Variants in APBB1 observed in about 807,000 individuals in gnomAD.
The protein encoded by APBB1 is adaptor protein FE65a2.
A neutral mutation model predicts 78.4 loss-of-function variants in APBB1; 22 were observed. The observed-to-expected ratio is 0.28, with a 90% CI of 0.20 to 0.40. The LOEUF is 0.40. Ranked by LOEUF, APBB1 falls within the 10% of genes least tolerant of loss-of-function variation. The pLI is 1.00. For synonymous variants in APBB1, 369 were observed against 372.7 expected, an observed-to-expected ratio of 0.99 and a Z score of 0.12; for missense variants, 749 against 932.4, an observed-to-expected ratio of 0.80 and a Z score of 2.56.
chr11:6,414,970 C>T (rs960814899), intron 1 of APBB1, among the ~76,000 whole-genome samples: 2 of 152,136 alleles, frequency 1.3e-5, no homozygotes, highest in African/African-American at 4.8e-5. Context: ...GCCAAGTTGA[C>T]CTCAGGGCAG....
chr11:6,405,060 C>T (rs1205319656), intron 2 of APBB1: 5 of 1,404,228 alleles, frequency 3.6e-6, no homozygotes, highest in African/African-American at 1.4e-5. Context: ...GCCCCTTCTG[C>T]TCACACCTCT....
At chr11:6,415,299 G>A (rs1167998076) in intron 1 of APBB1, among the ~76,000 whole-genome samples, 1 of 152,200 alleles carries the variant, frequency 6.6e-6, no homozygotes, top group Non-Finnish European at 1.5e-5. Context: ...ACAGGGGTTG[G>A]GGTTGAGTCT....
chr11:6,402,597 G>A lies in APBB1; in HGVS notation c.1233C>T (p.Pro411=). Residue 411 remains proline, a synonymous_variant, in exon 7 of 15, where the codon CCC becomes CCT. Transcript: ENST00000609360. ...LSYHKNNLHD[P]MSGGWGEGKD... is the part of the protein sequence containing the mutation. Reference sequence around the variant, plus strand: ...TTACTTCCCCCCAGCCCCCAGACATGGGGTCATGCAGGTTGTTTTTGTGGT... The same window carrying A: ...TTACTTCCCCCCAGCCCCCAGACATAGGGTCATGCAGGTTGTTTTTGTGGT... 1 of 1,614,046 alleles carries A rather than the reference G, an allele frequency of 6.2e-7. No homozygotes were observed. Among genetic ancestry groups the A allele is most frequent in the South Asian group, 1.1e-5 (1 of 91,076 alleles).
chr11:6,412,551 C>T (rs1848997780), intron 1 of APBB1, among the ~76,000 whole-genome samples: 1 of 152,188 alleles, frequency 6.6e-6, no homozygotes, highest in Non-Finnish European at 1.5e-5. Flanking sequence ...CTCAGCAATC[C>T]CTAAACTCTT....
chr11:6,412,519 C>T (rs1848996060), intron 1 of APBB1, among the ~76,000 whole-genome samples: 1 of 152,180 alleles, frequency 6.6e-6, no homozygotes, highest in Admixed American at 6.5e-5. Context: ...CATTTTAAAA[C>T]CACAGGCTAC....
rs1848958060 is a variant in APBB1 at position 6,411,255 on chromosome 11, G to A, written c.93C>T (p.Ala31=). 1.2e-6 allele frequency: 2 copies of A among 1,606,786 alleles called. No homozygotes were observed. The highest frequency in any genetic ancestry group is 1.7e-6 in the Non-Finnish European group (2 of 1,177,064). ...ALSLPLPLHA[A]HNQLLNAKLQ... Reference sequence around the variant, plus strand: ...GCTTGGCGTTGAGCAGCTGGTTGTGGGCAGCGTGCAGAGGCAGGGGTAGGC... The same window carrying A: ...GCTTGGCGTTGAGCAGCTGGTTGTGAGCAGCGTGCAGAGGCAGGGGTAGGC... Residue 31 remains alanine (A), a synonymous_variant, in exon 2 of 15, where the codon GCC becomes GCT. Coordinates refer to ENST00000609360, the MANE Select transcript of APBB1 (RefSeq NM_001164.5). This position sits in a 1 kb window ranked among gnomAD's most constrained non-coding sequence, Gnocchi z 5.2.
rs754397263 is a variant in APBB1, at chr11:6,403,628, A to G, written c.897+19T>C. 5.6e-6 allele frequency: 9 copies of G among 1,611,932 alleles called. No individual in the cohort carries two copies. In the Admixed American group the frequency reaches 1.2e-4, roughly 21 times the overall value. On this transcript the variant is annotated intron_variant, in intron 3 of 14. Coordinates refer to ENST00000609360, the MANE Select transcript of APBB1 (RefSeq NM_001164.5). This position sits in a 1 kb window ranked among gnomAD's most constrained non-coding sequence, Gnocchi z 5.3. The stretch of plus-strand genomic sequence containing the variant: ...TCCCTCCACCCCTGGCCCAAAATCA[A>G]CAGGCCTGTGAGCCTCACCTGGGAC...
Position 6,403,932 on chromosome 11 carries a change from C to A in APBB1, c.722-110G>T. 1.7e-6 allele frequency: 2 copies of A among 1,198,086 alleles called. No individual in the cohort carries two copies. The highest frequency in any genetic ancestry group is 2.3e-6 in the Non-Finnish European group (2 of 865,698). 74.2% of individuals were successfully genotyped at this position (1,198,086 alleles called of 1,614,324 possible). A position where few individuals can be genotyped will look rare whatever the true frequency, so the allele number is the denominator to read the frequency against. ...TGGTTGAGAAGGGGTGGTGGAAGAGCTATACCACAACACAGTTCCTGCTTC... is the reference window on the plus strand; with the variant it reads ...TGGTTGAGAAGGGGTGGTGGAAGAGATATACCACAACACAGTTCCTGCTTC... On this transcript the variant is annotated intron_variant, in intron 2 of 14. Coordinates refer to ENST00000609360, the MANE Select transcript of APBB1 (RefSeq NM_001164.5). The surrounding 1 kb of genome is among the most constrained non-coding windows in gnomAD (Gnocchi z 5.3).
chr11:6,406,378 A>G, intron 2 of APBB1, among the ~76,000 whole-genome samples: 1 of 151,142 alleles, frequency 6.6e-6, no homozygotes, highest in East Asian at 1.9e-4. Context: ...TAACTAACAT[A>G]GCCCAGGCTA....
At chr11:6,410,494 C>A in intron 2 of APBB1, 133 bp downstream of exon 2, 1 of 692,388 alleles carries the variant, frequency 1.4e-6, no homozygotes. Context: ...AATGAAAAAG[C>A]CTGGACATGG....
Position 6,411,072 on chromosome 11 carries a change from G to A in APBB1, c.276C>T (p.Thr92=), listed in dbSNP as rs765199994. Residue 92 remains threonine, a synonymous_variant, in exon 2 of 15, where the codon ACC becomes ACT. Transcript: ENST00000609360. The surrounding 1 kb of genome is among the most constrained non-coding windows in gnomAD (Gnocchi z 5.2). ...GGCTGGCCTCCTCCGCCAAGGTCAAGGTCACATTGCGATTCTGGTCACGGT... is the reference window on the plus strand; with the variant it reads ...GGCTGGCCTCCTCCGCCAAGGTCAAAGTCACATTGCGATTCTGGTCACGGT... ...TAHRDQNRNV[T]LTLAEEASQE... The A allele has an allele frequency of 1.9e-6, 3 of 1,613,826 alleles. No individual in the cohort carries two copies. In the South Asian group the frequency reaches 3.3e-5, roughly 18 times the overall value.
At chr11:6,419,213 C>T (rs1315580528), upstream of APBB1, 7 of 307,524 alleles carry the variant, frequency 2.3e-5, no homozygotes, top group East Asian at 2.7e-4. Context: ...TCTTGGGGGC[C>T]TCACCCTGCG....
chr11:6,412,098 G>A (rs1848981244), intron 1 of APBB1, among the ~76,000 whole-genome samples: 1 of 152,206 alleles, frequency 6.6e-6, no homozygotes, highest in African/African-American at 2.4e-5. Flanking sequence ...CACTATGGGA[G>A]CCTTTCCCCT....
At chr11:6,410,354 G>A (rs1343199492) in intron 2 of APBB1, among the ~76,000 whole-genome samples, 1 of 152,192 alleles carries the variant, frequency 6.6e-6, no homozygotes, top group Non-Finnish European at 1.5e-5. Context: ...GCTGAGCAGA[G>A]GGCCAGTTAC....
chr11:6,404,636 C>T (rs1389832700), intron 2 of APBB1: 4 of 1,536,296 alleles, frequency 2.6e-6, no homozygotes, highest in Non-Finnish European at 2.6e-6. Context: ...CCCTTGTCTG[C>T]CGGCAGAGCC....
chr11:6,401,153 C>A lies in APBB1; in HGVS notation c.1589-81G>T. On this transcript the variant is annotated intron_variant, in intron 11 of 14. Transcript: ENST00000609360. The surrounding 1 kb of genome is among the most constrained non-coding windows in gnomAD (Gnocchi z 4.5). ...CCACCAGCAGGGCATAAGCTGGACACTTGCCCAGCCGAGGCCCTACTTTCA... is the reference window on the plus strand; with the variant it reads ...CCACCAGCAGGGCATAAGCTGGACAATTGCCCAGCCGAGGCCCTACTTTCA... 6.2e-7 allele frequency: 1 copy of A among 1,613,720 alleles called. No individual in the cohort carries two copies. The highest frequency in any genetic ancestry group is 1.1e-5 in the South Asian group (1 of 90,938).
At chr11:6,405,372 C>T in intron 2 of APBB1, 3 of 986,808 alleles carry the variant, frequency 3.0e-6, no homozygotes, top group Non-Finnish European at 3.6e-6. Context: ...CCCAGCACCA[C>T]CCCCCACCCC....
chr11:6,402,814 G>T, intron 6 of APBB1, 89 bp from the exon 7 acceptor site: 1 of 1,526,714 alleles, frequency 6.6e-7, no homozygotes. Context: ...GAGGCAGGGT[G>T]TTCTGAACTA....
At chr11:6,405,783 A>C in intron 2 of APBB1, 1 of 663,296 alleles carries the variant, frequency 1.5e-6, no homozygotes, top group Non-Finnish European at 1.9e-6. Flanking sequence ...TAAGGTTTTC[A>C]ATAGGCACCT....
Sources: gnomAD v4.1 joint callset for allele counts (sites outside exome capture counted in the v4.1 genomes callset) on GRCh38, gnomAD v4.1.1 for gene constraint, Gnocchi (gnomAD v3.1) non-coding constraint, MANE v1.5 for transcripts, NCBI Gene and HGNC (gene_info 2026-07-23, HGNC 2026-07-21) for gene names.